NOD1: variants seen among roughly 807,000 people sequenced by gnomAD.
NOD1 encodes the protein nucleotide binding oligomerization domain containing 1.
In NOD1, 70 loss-of-function variants were observed where a neutral mutation model predicts 81.2. The observed-to-expected ratio is 0.86, with a 90% CI of 0.71 to 1.05. The LOEUF is 1.05. Ranked by LOEUF, NOD1 falls within the 50% of genes least tolerant of loss-of-function variation. The probability of loss-of-function intolerance (pLI) is 0.00; values close to 1 mark genes in which losing one functional copy is unlikely to be tolerated. For missense variants in NOD1, 1,233 were observed against 1,228.0 expected (o/e 1.00, Z -0.06); for synonymous variants, 508 against 526.9 (o/e 0.96, Z 0.49).
At chr7:30,427,563 C>G (rs185495967) in intron 13 of NOD1, among the ~76,000 whole-genome samples, 1 of 152,288 alleles carries the variant, frequency 6.6e-6, no homozygotes, top group African/African-American at 2.4e-5. Context: ...TCTGGAGGCT[C>G]CCAGAACAAG....
chr7:30,446,278 G>T, intron 8 of NOD1, 54 bp from the exon 9 acceptor site: 3 of 1,317,292 alleles, frequency 2.3e-6, no homozygotes. Flanking sequence ...GCTCCAATGT[G>T]GGTCACCCTC....
At chr7:30,429,508 GACCCCTTCGTAAGGGAGTTGCA>G (rs765799224) in intron 12 of NOD1, 51 bp from the exon 13 acceptor site, 66 of 1,536,868 alleles carry the variant, frequency 4.3e-5, no homozygotes, top group Non-Finnish European at 5.9e-5. Flanking sequence ...GATCAAATTT[GACCCCTTCGTAAGGGAGTTGCA>G]AGGGTGTTTT....
Position 30,447,922 on chromosome 7 carries a change from C to A in NOD1, c.2285+376G>T, listed in dbSNP as rs1215940317. ...TCATGCCATAGCATGCACTCAGAAT[C>A]CCCATTCGGGTCTTGCCCCAAAGGC... On this transcript the variant is annotated intron_variant, in intron 7 of 13. Coordinates refer to ENST00000222823, the MANE Select transcript of NOD1 (RefSeq NM_006092.4). 1.9e-5 allele frequency: 4 copies of A among 205,202 alleles called. 1 individual carries two copies. Among genetic ancestry groups the A allele is most frequent in the Non-Finnish European group, 3.0e-5 (3 of 101,396 alleles). The allele number at this position is 205,202 out of a possible 1,614,324, so 12.7% of individuals were successfully genotyped here.
chr7:30,446,439 C>T lies in NOD1; in HGVS notation c.2370-215G>A, dbSNP rs535994643. The T allele has an allele frequency of 1.4e-4, 82 of 566,028 alleles. 1 individual carries two copies. The Admixed American group carries it at 2.1e-3, about 14-fold the overall frequency. 35.1% of individuals were successfully genotyped at this position (566,028 alleles called of 1,614,324 possible). A position where few individuals can be genotyped will look rare whatever the true frequency, so the allele number is the denominator to read the frequency against. Reference sequence around the variant, plus strand: ...GGGTTCCTCTCCAGGAGATGGTCCACAGTCTCTGCAGAAGCTCAGGGACCT... The same window carrying T: ...GGGTTCCTCTCCAGGAGATGGTCCATAGTCTCTGCAGAAGCTCAGGGACCT... On this transcript the variant is annotated intron_variant, in intron 8 of 13. Transcript: ENST00000222823.
intron 10 of NOD1, 104 bp from the exon 11 acceptor site, chr7:30,436,185 A>T: frequency 1.1e-6 from 1 of 891,438 alleles, no homozygotes; most frequent in Non-Finnish European, 1.8e-6. Flanking sequence ...CTGTGGCCCC[A>T]GCCCAGGCTC....
At position 30,452,010 on chromosome 7, in the gene NOD1, C is replaced by T; in HGVS notation, c.1407G>A (p.Arg469=). ...AGACAAAGAGGCTCTTCTCCATGCC[C>T]CGGTGGGCCACCTGCCCCAGCGAGC... ...TLCSLGQVAH[R]GMEKSLFVFT... is the part of the protein sequence containing the mutation. Residue 469 remains arginine, a synonymous_variant, in exon 6 of 14, where the codon CGG becomes CGA. Coordinates refer to ENST00000222823, the MANE Select transcript of NOD1 (RefSeq NM_006092.4). 1 of 1,613,532 alleles carries T rather than the reference C, an allele frequency of 6.2e-7. No homozygotes were observed. The highest frequency in any genetic ancestry group is 1.1e-5 in the South Asian group (1 of 91,086).
chr7:30,475,071 G>C (rs1788639536), intron 1 of NOD1, among the ~76,000 whole-genome samples: 1 of 152,194 alleles, frequency 6.6e-6, no homozygotes. Context: ...ACAAGAAGCA[G>C]GGGAAGTTCT....
At chr7:30,448,469 GGCCCTGGAGTTTTCTCAGGTATAGAC>G in intron 6 of NOD1, 88 bp from the exon 7 acceptor site, 1 of 1,144,836 alleles carries the variant, frequency 8.7e-7, no homozygotes, top group South Asian at 1.2e-5. Context: ...GAAGCCTTCA[GGCCCTGGAGTTTTCTCAGGTATAGAC>G]GCCCCTGGAG....
At chr7:30,445,788 A>T (rs1785003315) in intron 9 of NOD1, among the ~76,000 whole-genome samples, 1 of 150,470 alleles carries the variant, frequency 6.6e-6, no homozygotes, top group African/African-American at 2.5e-5. Context: ...AAAAAAGGAA[A>T]TCCTGTCCCA....
At chr7:30,450,244 CT>C (rs2128046526) in intron 6 of NOD1, among the ~76,000 whole-genome samples, 1 of 152,120 alleles carries the variant, frequency 6.6e-6, no homozygotes, top group South Asian at 2.1e-4. Context: ...GTGAGACTGC[CT>C]GGGGCTACAG....
At position 30,456,732 on chromosome 7, in the gene NOD1, G is replaced by A. The variant is rs777493139; in HGVS notation, c.190C>T (p.Gln64Ter). ...DAEIVCACPT[Q>*]PDKVRKILDL... ...TGTCCCCGGGGCACCTTGTCAGGCT[G>A]GGTGGGGCAGGCACACACAATCTCC... Residue 64 changes from glutamine (Q) to a stop codon, truncating the protein, a stop_gained, in exon 4 of 14, where the codon CAG (glutamine) becomes TAG (stop). Transcript: ENST00000222823. LOFTEE classifies it high-confidence loss of function. The A allele has an allele frequency of 3.1e-6, 5 of 1,613,924 alleles. No individual in the cohort carries two copies. In the South Asian group the frequency reaches 4.4e-5, roughly 14 times the overall value.
Position 30,437,650 on chromosome 7 carries a change from C to A in NOD1, c.2460G>T (p.Trp820Cys). The change falls in exon 10 of 14, where the codon TGG becomes TGT. Residue 820 changes from tryptophan to cysteine, a missense_variant. Physicochemically the swap from Trp to Cys is radical, Grantham distance 215 (BLOSUM62 -2). Coordinates refer to ENST00000222823, the MANE Select transcript of NOD1 (RefSeq NM_006092.4). ...NSKSISEVGM[W>C]GNQVGDEGAK... ...CTCCTTCATCCCCAACTTGATTGCCCCACATCCTGAGGGAGGAGACAAGAT... is the reference window on the plus strand; with the variant it reads ...CTCCTTCATCCCCAACTTGATTGCCACACATCCTGAGGGAGGAGACAAGAT... 3 of 1,515,794 alleles carry A rather than the reference C, an allele frequency of 2.0e-6. No individual in the cohort carries two copies. The highest frequency in any genetic ancestry group is 1.3e-5 in the South Asian group (1 of 74,806). 93.9% of individuals were successfully genotyped at this position (1,515,794 alleles called of 1,614,324 possible). A position where few individuals can be genotyped will look rare whatever the true frequency, so the allele number is the denominator to read the frequency against.
chr7:30,435,251 T>C (rs1421577574), intron 11 of NOD1, among the ~76,000 whole-genome samples: 1 of 152,106 alleles, frequency 6.6e-6, no homozygotes, highest in Non-Finnish European at 1.5e-5. Flanking sequence ...AAGTGACAGA[T>C]GAGCTGGATG....
At chr7:30,425,844 A>G in intron 13 of NOD1, 134 bp from the exon 14 acceptor site, 1 of 710,990 alleles carries the variant, frequency 1.4e-6, no homozygotes, top group Non-Finnish European at 2.6e-6. Context: ...TAAGGAACAT[A>G]CCCTTTGCAG....
chr7:30,451,475 C>T lies in NOD1; in HGVS notation c.1942G>A (p.Ala648Thr). 1 of 1,613,272 alleles carries T rather than the reference C, an allele frequency of 6.2e-7. No individual in the cohort carries two copies. Among genetic ancestry groups the T allele is most frequent in the Non-Finnish European group, 8.5e-7 (1 of 1,179,980 alleles). ...AGCATCCAGATGAACGTGGGCATGG[C>T]CTGCACCTGGTTGAAGCTTTCGACC... ...VQVESFNQVQ[A>T]MPTFIWMLRC... Residue 648 changes from alanine to threonine, a missense_variant, in exon 6 of 14, where the codon GCC becomes ACC. By Grantham distance (58) the Ala-to-Thr change is moderately conservative (BLOSUM62 0). Transcript: ENST00000222823. The surrounding 1 kb of genome is among the most constrained non-coding windows in gnomAD (Gnocchi z 4.2).
At chr7:30,447,374 G>A (rs1198327685) in intron 7 of NOD1, 3 of 359,396 alleles carry the variant, frequency 8.3e-6, no homozygotes, top group South Asian at 2.7e-5. Flanking sequence ...CCTGGTGCAT[G>A]AGTGCTCGGT....
rs115688376 is a variant in NOD1 at position 30,477,012 on chromosome 7, G to A, written c.-352+1594C>T. Among the ~76,000 whole-genome samples the A allele has an allele frequency of 2.5e-3, 387 of 152,280 alleles. 2 individuals carry two copies. The highest frequency in any genetic ancestry group is 4.7e-3 in the Non-Finnish European group (318 of 68,016). Reference sequence around the variant, plus strand: ...CCAGGTGTGTGATGCACATCATCTCGCTGAACTATGCTAGCCTCAGGAGAG... The same window carrying A: ...CCAGGTGTGTGATGCACATCATCTCACTGAACTATGCTAGCCTCAGGAGAG... On this transcript the variant is annotated intron_variant, in intron 1 of 13. Transcript: ENST00000222823.
At position 30,425,418 on chromosome 7, in the gene NOD1, C is replaced by T. The variant is rs557369666; in HGVS notation, c.*220G>A. 8 of 587,264 alleles carry T rather than the reference C, an allele frequency of 1.4e-5. No individual in the cohort carries two copies. Among genetic ancestry groups the T allele is most frequent in the South Asian group, 1.0e-4 (5 of 49,168 alleles). 36.4% of individuals were successfully genotyped at this position (587,264 alleles called of 1,614,324 possible). On this transcript the variant is annotated 3_prime_UTR_variant, in exon 14 of 14. Transcript: ENST00000222823. ...TGTATTTACTGTAACTACAACAGCT[C>T]GCAAGACACATTCTTTTTCTGCAGA... is the stretch of plus-strand genomic sequence containing the variant.
chr7:30,451,980 G>A lies in NOD1; in HGVS notation c.1437C>T (p.Thr479=). 1 of 1,613,554 alleles carries A rather than the reference G, an allele frequency of 6.2e-7. No individual in the cohort carries two copies. Among genetic ancestry groups the A allele is most frequent in the Non-Finnish European group, 8.5e-7 (1 of 1,180,002 alleles). The part of the protein sequence containing the change: ...RGMEKSLFVF[T]QEEVQASGLQ... ...GCCCGGAGGCCTGCACCTCCTCCTG[G>A]GTGAAGACAAAGAGGCTCTTCTCCA... The change falls in exon 6 of 14, where the codon ACC becomes ACT. Residue 479 remains threonine (T), a synonymous_variant. Transcript: ENST00000222823. The surrounding 1 kb of genome is among the most constrained non-coding windows in gnomAD (Gnocchi z 4.2).
Sources: allele counts gnomAD v4.1 joint callset (sites outside exome capture counted in the v4.1 genomes callset), GRCh38; gene constraint gnomAD v4.1.1; non-coding constraint Gnocchi (gnomAD v3.1); transcripts MANE v1.5; gene names NCBI Gene and HGNC (gene_info 2026-07-23, HGNC 2026-07-21).